Variants in GPR89B observed in about 807,000 individuals in gnomAD.
GPR89B encodes the protein golgi pH regulator B, also known as G protein-coupled receptor 89B.
A neutral mutation model predicts 52.4 loss-of-function variants in GPR89B; 25 were observed. That is an observed-to-expected ratio of 0.48 (90% CI 0.35 to 0.67). The LOEUF (loss-of-function observed/expected upper bound fraction) is 0.67, where lower values mean the gene tolerates loss of function less well. Ranked by LOEUF, GPR89B falls within the 30% of genes least tolerant of loss-of-function variation. The pLI is 0.01. For missense variants in GPR89B, 146 were observed against 450.2 expected (o/e 0.32, Z 6.11); for synonymous variants, 52 against 151.2 (o/e 0.34, Z 4.81).
chr1:147,966,445 A>G (rs1475283283), intron 7 of GPR89B, 109 bp from the exon 8 acceptor site: 2 of 128,784 alleles, frequency 1.6e-5, no homozygotes, highest in African/African-American at 3.1e-5. Context: ...GTATCCTTAC[A>G]TAAACAGCTC....
the GPR89B span, chr1:148,005,405 C>G: frequency 6.3e-7 from 1 of 1,589,048 alleles, no homozygotes. Flanking sequence ...CTGGCATCCT[C>G]TACATTCTCT....
chr1:147,978,449 A>G (rs1465836676), intron 10 of GPR89B, among the ~76,000 whole-genome samples: 3 of 151,764 alleles, frequency 2.0e-5, no homozygotes, highest in Non-Finnish European at 4.4e-5. Flanking sequence ...GGTCTCAGTC[A>G]GGAGGCACGG....
chr1:147,985,050 A>T (rs1658564840), intron 10 of GPR89B, among the ~76,000 whole-genome samples: 1 of 152,164 alleles, frequency 6.6e-6, no homozygotes, highest in Non-Finnish European at 1.5e-5. Context: ...TAATTTTATC[A>T]GTTATTGAGA....
rs2784330 is a variant in GPR89B, at chr1:147,966,138, T to C, written c.618-416T>C. 3.9e-5 allele frequency among the ~76,000 whole-genome samples: 6 copies of C among 151,958 alleles called. 1 individual carries two copies. Among genetic ancestry groups the C allele is most frequent in the African/African-American group, 9.7e-5 (4 of 41,326 alleles). The stretch of plus-strand genomic sequence containing the variant: ...CTGGGATTACAGGAGTGAGCCACCA[T>C]ACCCAGCCAGGTATGTTAGCTGTTT... On this transcript the variant is annotated intron_variant, in intron 7 of 13. Coordinates refer to ENST00000314163, the MANE Select transcript of GPR89B (RefSeq NM_016334.5).
rs1357350232 is a variant in GPR89B, at chr1:147,968,921, C to T, written c.774C>T (p.Ser258=). Reference sequence around the variant, plus strand: ...AAGTGGATGCTTTGGAAGAATTAAGCAGGCAGCTTTTTCTGGAAACAGCTG... The same window carrying T: ...AAGTGGATGCTTTGGAAGAATTAAGTAGGCAGCTTTTTCTGGAAACAGCTG... The part of the protein sequence containing the change: ...QQEVDALEEL[S]RQLFLETADL... The change falls in exon 9 of 14, where the codon AGC becomes AGT. Residue 258 remains serine (S), a synonymous_variant. Transcript: ENST00000314163. The T allele has an allele frequency of 1.4e-5, 23 of 1,611,824 alleles. 1 individual carries two copies. In the African/African-American group the frequency reaches 3.0e-4, roughly 21 times the overall value.
Position 147,965,506 on chromosome 1 carries a change from A to C in GPR89B, c.618-1048A>C, listed in dbSNP as rs1301031348. On this transcript the variant is annotated intron_variant, in intron 7 of 13. Coordinates refer to ENST00000314163, the MANE Select transcript of GPR89B (RefSeq NM_016334.5). ...TAAACCCTTTAAATCAATTATGTAC[A>C]AATGATCTTTTATTTTGATCCTCAC... Among the ~76,000 whole-genome samples the C allele has an allele frequency of 5.4e-3, 819 of 152,216 alleles. 11 individuals are homozygous for C. Among genetic ancestry groups the C allele is most frequent in the African/African-American group, 0.019 (775 of 41,506 alleles).
downstream of GPR89B, chr1:147,996,771 A>C: frequency 7.4e-7 from 1 of 1,348,072 alleles, no homozygotes; most frequent in South Asian, 1.2e-5. Context: ...AAGGGAAAAA[A>C]CATTAACTTA....
At chr1:147,937,981 T>C (rs1273872734) in intron 2 of GPR89B, among the ~76,000 whole-genome samples, 4 of 152,198 alleles carry the variant, frequency 2.6e-5, no homozygotes, top group Non-Finnish European at 5.9e-5. Context: ...GAGATTGCAG[T>C]AAAGACAGGC....
At chr1:147,980,576 A>G (rs1341183162) in intron 10 of GPR89B, among the ~76,000 whole-genome samples, 2 of 142,068 alleles carry the variant, frequency 1.4e-5, no homozygotes, top group Non-Finnish European at 3.0e-5. Flanking sequence ...CACATACAAT[A>G]CAATATACTC....
At chr1:148,009,447 A>T in the GPR89B span, 1 of 1,601,766 alleles carries the variant, frequency 6.2e-7, no homozygotes, top group Admixed American at 1.7e-5. Context: ...CACAGGGGAA[A>T]GTATATTATC....
At chr1:148,025,029 G>A in the GPR89B span, among the ~76,000 whole-genome samples, 1 of 151,848 alleles carries the variant, frequency 6.6e-6, no homozygotes, top group Admixed American at 6.6e-5. Flanking sequence ...GGGCAATCAG[G>A]TGTTGTCCTT....
chr1:148,000,202 A>G, the GPR89B span, among the ~76,000 whole-genome samples: 1 of 151,384 alleles, frequency 6.6e-6, no homozygotes, highest in East Asian at 1.9e-4. Context: ...TTGAGTATTA[A>G]TTACACCATC....
Position 147,943,479 on chromosome 1 carries a change from T to C in GPR89B, c.248T>C (p.Leu83Pro), listed in dbSNP as rs1654715585. Reference protein sequence around the residue: ...FHWKMNLCVILLILVFMVPFY... With the variant: ...FHWKMNLCVIPLILVFMVPFY... Reference sequence around the variant, plus strand: ...TGGAAAATGAACCTGTGTGTAATTCTGCTGATCCTGGTTTTCATGGTGCCT... The same window carrying C: ...TGGAAAATGAACCTGTGTGTAATTCCGCTGATCCTGGTTTTCATGGTGCCT... The change falls in exon 4 of 14, where the codon CTG (leucine) becomes CCG (proline). Residue 83 changes from leucine (L) to proline (P), a missense_variant. By Grantham distance (98) the Leu-to-Pro change is moderately conservative. Transcript: ENST00000314163. The C allele has an allele frequency of 1.2e-6, 2 of 1,612,948 alleles. No individual in the cohort carries two copies. Among genetic ancestry groups the C allele is most frequent in the Middle Eastern group, 1.7e-4 (1 of 6,058 alleles).
intron 10 of GPR89B, among the ~76,000 whole-genome samples, chr1:147,981,157 G>A (rs2149088111): frequency 6.7e-6 from 1 of 149,058 alleles, no homozygotes; most frequent in African/African-American, 2.5e-5. Flanking sequence ...GTACATCCAT[G>A]TCATAGTATC....
intron 10 of GPR89B, among the ~76,000 whole-genome samples, chr1:147,981,326 CACAT>C (rs1658234432): frequency 2.0e-5 from 3 of 150,970 alleles, no homozygotes; most frequent in African/African-American, 7.4e-5. Context: ...CCGACACACA[CACAT>C]ACACACACAC....
At chr1:147,931,983 T>G (rs1267400136) in intron 1 of GPR89B, among the ~76,000 whole-genome samples, 1 of 152,148 alleles carries the variant, frequency 6.6e-6, no homozygotes, top group Non-Finnish European at 1.5e-5. Context: ...ATATTAAAGG[T>G]ATATATCTGT....
chr1:147,977,248 A>C (rs1166581732), intron 10 of GPR89B, among the ~76,000 whole-genome samples: 5 of 150,892 alleles, frequency 3.3e-5, no homozygotes, highest in Admixed American at 3.3e-4. Flanking sequence ...AAAAAAAAAA[A>C]AAAAAAAAAA....
At chr1:147,930,276 T>A (rs1209707191) in intron 1 of GPR89B, among the ~76,000 whole-genome samples, 1 of 152,212 alleles carries the variant, frequency 6.6e-6, no homozygotes, top group Non-Finnish European at 1.5e-5. Context: ...TGTGGCTACT[T>A]TATCATCCTT....
rs2796992 is a variant in GPR89B, at chr1:147,956,657, G to A, written c.617+2255G>A. ...AACATTAATAGAAGAAATTGAAGAC[G>A]ACACAAATAAATGGAAAGATATCCC... On this transcript the variant is annotated intron_variant, in intron 7 of 13. Coordinates refer to ENST00000314163, the MANE Select transcript of GPR89B (RefSeq NM_016334.5). 3.3e-5 allele frequency among the ~76,000 whole-genome samples: 5 copies of A among 151,014 alleles called. No individual in the cohort carries two copies. The East Asian group carries it at 5.8e-4, about 18-fold the overall frequency.
Sources: allele counts gnomAD v4.1 joint callset (sites outside exome capture counted in the v4.1 genomes callset), GRCh38; gene constraint gnomAD v4.1.1; transcripts MANE v1.5; gene names NCBI Gene and HGNC (gene_info 2026-07-23, HGNC 2026-07-21).